Variants in CELA2A observed in about 807,000 individuals in gnomAD.
CELA2A encodes the protein chymotrypsin like elastase 2A.
In CELA2A, 31 loss-of-function variants were observed where a neutral mutation model predicts 35.3. The ratio of observed to expected loss-of-function variants is 0.88; its 90% CI spans 0.66 to 1.19. CELA2A has a LOEUF of 1.19. CELA2A is among the 50% of genes most tolerant of loss of function. The pLI is 0.00. For missense variants in CELA2A, 330 were observed against 352.9 expected (o/e 0.94, Z 0.52); for synonymous variants, 150 against 149.8 (o/e 1.00, Z -0.01).
Position 15,462,852 on chromosome 1 carries a change from T to C in CELA2A, c.347T>C (p.Ile116Thr). ...CACAAGGACTGGAACTCCAACCAAA[T>C]CTCCAAAGGGTTCGTTTCTGTCTGG... ...VVHKDWNSNQ[I>T]SKGNDIALLK... The change falls in exon 4 of 8, where the codon ATC becomes ACC. Residue 116 changes from isoleucine to threonine, a missense_variant. By Grantham distance (89) the Ile-to-Thr change is moderately conservative. Coordinates refer to ENST00000359621, the MANE Select transcript of CELA2A (RefSeq NM_033440.3). The C allele has an allele frequency of 2.5e-6, 4 of 1,613,906 alleles. No homozygotes were observed. The highest frequency in any genetic ancestry group is 2.5e-6 in the Non-Finnish European group (3 of 1,179,964).
chr1:15,471,519 G>A (rs1708593775), intron 7 of CELA2A, among the ~76,000 whole-genome samples: 1 of 151,906 alleles, frequency 6.6e-6, no homozygotes, highest in South Asian at 2.1e-4. Context: ...CTGCACTCCA[G>A]CCTGGGCAAC....
At chr1:15,469,114 G>T (rs113452878) in intron 7 of CELA2A, among the ~76,000 whole-genome samples, 2 of 152,134 alleles carry the variant, frequency 1.3e-5, no homozygotes, top group African/African-American at 2.4e-5. Context: ...GGAGGTGGAG[G>T]TTGCAGTAAC....
In CELA2A at chr1:15,466,091, G is replaced by A. The variant is rs147028490; in HGVS notation, c.586G>A (p.Val196Met). ...CSSSAWWGSS[V>M]KTSMICAGGD... ...CAGCTCTGCCTGGTGGGGCAGCAGC[G>A]TGAAAACCAGTATGATCTGTGCTGG... is the stretch of plus-strand genomic sequence containing the variant. The change falls in exon 6 of 8, where the codon GTG becomes ATG. Residue 196 changes from valine (V) to methionine (M), a missense_variant. Coordinates refer to ENST00000359621, the MANE Select transcript of CELA2A (RefSeq NM_033440.3). 2.9e-5 allele frequency: 46 copies of A among 1,614,000 alleles called. No homozygotes were observed. Among genetic ancestry groups the A allele is most frequent in the African/African-American group, 2.5e-4 (19 of 74,916 alleles).
chr1:15,457,887 A>G (rs1389314307), intron 2 of CELA2A, among the ~76,000 whole-genome samples: 1 of 152,206 alleles, frequency 6.6e-6, no homozygotes, highest in Non-Finnish European at 1.5e-5. Flanking sequence ...CAATGTTACC[A>G]ATGAAAAAAA....
intron 2 of CELA2A, among the ~76,000 whole-genome samples, chr1:15,458,091 T>A (rs954887665): frequency 1.3e-5 from 2 of 152,172 alleles, no homozygotes; most frequent in African/African-American, 4.8e-5. Flanking sequence ...AAGTTGGTTA[T>A]AAAGAAATTA....
chr1:15,464,830 G>A (rs1403968832), intron 5 of CELA2A, among the ~76,000 whole-genome samples: 1 of 152,078 alleles, frequency 6.6e-6, no homozygotes, highest in African/African-American at 2.4e-5. Context: ...GTCAGTCACG[G>A]TGAAACCTTG....
chr1:15,461,022 T>A (rs1387933626), intron 2 of CELA2A, among the ~76,000 whole-genome samples: 2 of 152,102 alleles, frequency 1.3e-5, no homozygotes, highest in Non-Finnish European at 2.9e-5. Flanking sequence ...AACACATCCT[T>A]GTTCACGCAG....
chr1:15,470,967 A>G (rs1325177001), intron 7 of CELA2A, among the ~76,000 whole-genome samples: 1 of 152,214 alleles, frequency 6.6e-6, no homozygotes, highest in Non-Finnish European at 1.5e-5. Context: ...ACTGTCTTCT[A>G]TGCAAAAACT....
intron 7 of CELA2A, among the ~76,000 whole-genome samples, chr1:15,468,483 G>A (rs1369608251): frequency 6.6e-6 from 1 of 152,142 alleles, no homozygotes; most frequent in Non-Finnish European, 1.5e-5. Context: ...GAACACATTT[G>A]TTTATAACAA....
chr1:15,462,728 C>T lies in CELA2A; in HGVS notation c.228-5C>T, dbSNP rs747392824. Reference sequence around the variant, plus strand: ...GACCCTCTCCCTGGGCCCCCTTTCTCCCAGCTCCTCCAGGACCTACCGCGT... The same window carrying T: ...GACCCTCTCCCTGGGCCCCCTTTCTTCCAGCTCCTCCAGGACCTACCGCGT... On this transcript the variant is annotated splice_region_variant and splice_polypyrimidine_tract_variant and intron_variant, in intron 3 of 7. Transcript: ENST00000359621. The T allele has an allele frequency of 3.1e-6, 5 of 1,613,922 alleles. No homozygotes were observed. The South Asian group carries it at 3.3e-5, about 11-fold the overall frequency.
intron 7 of CELA2A, among the ~76,000 whole-genome samples, chr1:15,468,386 A>C (rs1708550014): frequency 6.6e-6 from 1 of 152,170 alleles, no homozygotes; most frequent in Admixed American, 6.5e-5. Flanking sequence ...AATAGAGCTG[A>C]GTTGGTCCCC....
rs767742469 is a variant in CELA2A at position 15,466,009 on chromosome 1, T to A, written c.504T>A (p.Ala168=). ...TCTGATCTCATTCAGCCAACGGGGCTGTTCCTGATGTCCTGCAGCAGGGCC... is the reference window on the plus strand; with the variant it reads ...TCTGATCTCATTCAGCCAACGGGGCAGTTCCTGATGTCCTGCAGCAGGGCC... ...TGWGRLQTNG[A]VPDVLQQGRL... The change falls in exon 6 of 8, where the codon GCT becomes GCA. Residue 168 remains alanine (A), a synonymous_variant. Transcript: ENST00000359621. The A allele has an allele frequency of 1.2e-6, 2 of 1,614,176 alleles. No homozygotes were observed. Among genetic ancestry groups the A allele is most frequent in the Non-Finnish European group, 1.7e-6 (2 of 1,180,044 alleles).
chr1:15,456,938 G>T, intron 1 of CELA2A, 145 bp downstream of exon 1: 2 of 1,322,556 alleles, frequency 1.5e-6, no homozygotes, highest in Non-Finnish European at 1.1e-6. Context: ...GAGTTTCAAA[G>T]AATTGGAGCA....
chr1:15,458,247 G>A (rs1257877751), intron 2 of CELA2A, among the ~76,000 whole-genome samples: 3 of 152,148 alleles, frequency 2.0e-5, no homozygotes, highest in Non-Finnish European at 1.5e-5. Context: ...ACTTTGAGAC[G>A]TTCACAAAGC....
chr1:15,463,656 A>C, intron 5 of CELA2A, 134 bp downstream of exon 5: 1 of 1,379,924 alleles, frequency 7.2e-7, no homozygotes, highest in African/African-American at 1.4e-5. Context: ...GCATAGGCTG[A>C]CGCCTGCCTG....
chr1:15,465,822 G>GA (rs1360255693), intron 5 of CELA2A, 177 bp from the exon 6 acceptor site: 1 of 697,862 alleles, frequency 1.4e-6, no homozygotes, highest in East Asian at 2.5e-5. Context: ...GGCTTAGCTT[G>GA]AGTCAGGTGT....
rs766070348 is a variant in CELA2A at position 15,462,820 on chromosome 1, T to C, written c.315T>C (p.Ile105=). The C allele has an allele frequency of 6.3e-5, 102 of 1,613,932 alleles. No individual in the cohort carries two copies. Among genetic ancestry groups the C allele is most frequent in the Non-Finnish European group, 8.6e-5 (101 of 1,180,004 alleles). The change falls in exon 4 of 8, where the codon ATT becomes ATC. Residue 105 remains isoleucine (I), a synonymous_variant. Coordinates refer to ENST00000359621, the MANE Select transcript of CELA2A (RefSeq NM_033440.3). ...CGCTGGCAGTCAGTGTCTCTAAGAT[T>C]GTGGTGCACAAGGACTGGAACTCCA... ...SGSLAVSVSK[I]VVHKDWNSNQ... is the part of the protein sequence containing the mutation.
chr1:15,465,935 T>G, intron 5 of CELA2A, 64 bp from the exon 6 acceptor site: 1 of 1,585,156 alleles, frequency 6.3e-7, no homozygotes, highest in Non-Finnish European at 8.6e-7. Context: ...CTAAGACGGG[T>G]CCATCACTTC....
rs544824761 is a variant in CELA2A, at chr1:15,457,003, T to C, written c.41-83T>C. ...CCTTCTAGAACAAGGGTTTTCTATT[T>C]GGGGGGTCAGAATGCGCAGCAAGTG... On this transcript the variant is annotated intron_variant, in intron 1 of 7. Coordinates refer to ENST00000359621, the MANE Select transcript of CELA2A (RefSeq NM_033440.3). 9.2e-6 allele frequency: 13 copies of C among 1,408,692 alleles called. No individual in the cohort carries two copies. The South Asian group carries it at 1.4e-4, about 15-fold the overall frequency. The allele number at this position is 1,408,692 out of a possible 1,614,324, so 87.3% of individuals were successfully genotyped here.
Sources: allele counts gnomAD v4.1 joint callset (sites outside exome capture counted in the v4.1 genomes callset), GRCh38; gene constraint gnomAD v4.1.1; transcripts MANE v1.5; gene names NCBI Gene and HGNC (gene_info 2026-07-23, HGNC 2026-07-21).